IL1RAPL1: variants seen among roughly 807,000 people sequenced by gnomAD.
IL1RAPL1 encodes interleukin-1 receptor accessory protein-like 1.
IL1RAPL1 carries 3 observed loss-of-function variants against 48.4 expected under a neutral mutation model. The ratio of observed to expected loss-of-function variants is 0.06; its 90% CI spans 0.03 to 0.16. IL1RAPL1 has a LOEUF of 0.16. IL1RAPL1 is among the 10% of genes least tolerant of loss of function. IL1RAPL1 has a pLI of 1.00. For synonymous variants in IL1RAPL1, 185 were observed against 187.7 expected (o/e 0.99, Z 0.12); for missense variants, 349 against 530.6 (o/e 0.66, Z 3.36).
rs60180938 is a variant in IL1RAPL1, at chrX:29,081,020, C to CTTTCTTTTCTTTTCTTTTCTTTTCT, written c.83-201900_83-201876dup. Among the ~76,000 whole-genome samples the CTTTCTTTTCTTTTCTTTTCTTTTCT allele has an allele frequency of 3.8e-4, 16 of 41,909 alleles. 1 individual carries two copies. The highest frequency in any genetic ancestry group is 9.8e-4 in the Admixed American group (3 of 3,054). 36.4% of individuals were successfully genotyped at this position (41,909 alleles called of 115,157 possible). ...TCTCTCTCTCTCTCTCTCTCTCTCT[C>CTTTCTTTTCTTTTCTTTTCTTTTCT]TTTCTTTTCTTTTCTTTTCTTTTCT... On this transcript the variant is annotated intron_variant, in intron 2 of 10. Coordinates refer to ENST00000378993, the MANE Select transcript of IL1RAPL1 (RefSeq NM_014271.4).
Position 29,869,955 on chromosome X carries a change from A to T in IL1RAPL1, c.779-47509A>T, listed in dbSNP as rs141805082. On this transcript the variant is annotated intron_variant, in intron 6 of 10. Transcript: ENST00000378993. ...AAATGTGAGAGACAACTATTGTGAG[A>T]TTCAAAGACAGTGGTAACATATATA... 5.1e-3 allele frequency among the ~76,000 whole-genome samples: 559 copies of T among 110,680 alleles called. 2 individuals are homozygous for T. Among genetic ancestry groups the T allele is most frequent in the African/African-American group, 0.018 (549 of 30,401 alleles).
chrX:29,448,794 G>GT (rs1344281825), intron 5 of IL1RAPL1, among the ~76,000 whole-genome samples: 1 of 111,744 alleles, frequency 8.9e-6, no homozygotes, highest in Non-Finnish European at 1.9e-5. Flanking sequence ...ATTTCTCACA[G>GT]TTCTGGAAGC....
intron 6 of IL1RAPL1, among the ~76,000 whole-genome samples, chrX:29,774,893 A>C (rs967969318): frequency 1.8e-5 from 2 of 112,499 alleles, no homozygotes; most frequent in Non-Finnish European, 3.8e-5. Flanking sequence ...ATTGATGGTT[A>C]AATTTCCAGT....
At chrX:28,669,628 TTA>T (rs139322755) in intron 1 of IL1RAPL1, among the ~76,000 whole-genome samples, 7 of 101,555 alleles carry the variant, frequency 6.9e-5, no homozygotes, top group East Asian at 6.0e-4. Flanking sequence ...TCAAAAAATA[TTA>T]TATATATATA....
At chrX:29,302,722 G>A (rs1427846266) in intron 3 of IL1RAPL1, among the ~76,000 whole-genome samples, 3 of 110,992 alleles carry the variant, frequency 2.7e-5, no homozygotes, top group East Asian at 2.9e-4. Flanking sequence ...GTTTTGGGGC[G>A]GTCATTTAGC....
rs2076368 is a variant in IL1RAPL1, at chrX:29,396,045, A to G, written c.363-213A>G. On this transcript the variant is annotated intron_variant, in intron 3 of 10. Coordinates refer to ENST00000378993, the MANE Select transcript of IL1RAPL1 (RefSeq NM_014271.4). ...GTAAAACAAAACTTTTTCTCTGGCA[A>G]ATAAAAACAAATAAATATACATTTA... Among the ~76,000 whole-genome samples, 819 of 112,807 alleles carry G rather than the reference A, an allele frequency of 7.3e-3. 16 individuals are homozygous for G. The East Asian group carries it at 0.094, about 13-fold the overall frequency.
At chrX:28,976,323 A>G (rs1050819936) in intron 2 of IL1RAPL1, among the ~76,000 whole-genome samples, 7 of 111,808 alleles carry the variant, frequency 6.3e-5, no homozygotes, top group African/African-American at 2.3e-4. Flanking sequence ...TTATGATGGT[A>G]GCAGTAGAGA....
At chrX:29,069,669 A>T (rs867509556) in intron 2 of IL1RAPL1, among the ~76,000 whole-genome samples, 2 of 101,483 alleles carry the variant, frequency 2.0e-5, no homozygotes, top group African/African-American at 7.4e-5. Context: ...ACACACACAC[A>T]CCCCTCCCCT....
chrX:29,052,848 T>G (rs901441598), intron 2 of IL1RAPL1, among the ~76,000 whole-genome samples: 1 of 110,885 alleles, frequency 9.0e-6, no homozygotes, highest in Non-Finnish European at 1.9e-5. Flanking sequence ...ATTTTTGTAT[T>G]TTTTAGTAGA....
intron 6 of IL1RAPL1, among the ~76,000 whole-genome samples, chrX:29,843,758 T>C (rs1405127773): frequency 2.8e-5 from 3 of 108,894 alleles, no homozygotes; most frequent in African/African-American, 6.9e-5. Flanking sequence ...CTCACTTCTC[T>C]CTCTCTCTTC....
chrX:28,936,825 A>G (rs1924028306), intron 2 of IL1RAPL1, among the ~76,000 whole-genome samples: 1 of 111,199 alleles, frequency 9.0e-6, no homozygotes, highest in South Asian at 3.7e-4. Context: ...GATATTCTTC[A>G]TATACATCCA....
chrX:28,817,233 T>A (rs1420383584), intron 2 of IL1RAPL1, among the ~76,000 whole-genome samples: 1 of 110,739 alleles, frequency 9.0e-6, no homozygotes, highest in African/African-American at 3.3e-5. Context: ...AACAATTGTA[T>A]AAGGAAGACA....
chrX:29,068,390 C>T, intron 2 of IL1RAPL1, among the ~76,000 whole-genome samples: 1 of 112,042 alleles, frequency 8.9e-6, no homozygotes, highest in Non-Finnish European at 1.9e-5. Context: ...CAGCCAAAAC[C>T]AGATAGCCAT....
intron 3 of IL1RAPL1, among the ~76,000 whole-genome samples, chrX:29,381,827 AAAAAAAAT>A (rs1349369536): frequency 0.01 from 365 of 36,026 alleles, 1 homozygote; most frequent in African/African-American, 0.023. Flanking sequence ...AAAAAAAAAA[AAAAAAAAT>A]ATATATATAT....
chrX:29,832,461 G>T lies in IL1RAPL1; in HGVS notation c.779-85003G>T, dbSNP rs189724712. Among the ~76,000 whole-genome samples the T allele has an allele frequency of 4.1e-3, 456 of 111,288 alleles. 4 individuals carry two copies. The highest frequency in any genetic ancestry group is 0.014 in the African/African-American group (439 of 30,675). ...GGGAATTAGAGGCAGAAAAGGCAAGGGATGTAACAGAAAAGCTTTATGAAT... is the reference window on the plus strand; with the variant it reads ...GGGAATTAGAGGCAGAAAAGGCAAGTGATGTAACAGAAAAGCTTTATGAAT... On this transcript the variant is annotated intron_variant, in intron 6 of 10. Coordinates refer to ENST00000378993, the MANE Select transcript of IL1RAPL1 (RefSeq NM_014271.4).
At chrX:29,074,969 T>G (rs1415333975) in intron 2 of IL1RAPL1, among the ~76,000 whole-genome samples, 5 of 112,428 alleles carry the variant, frequency 4.4e-5, no homozygotes, top group Non-Finnish European at 9.4e-5. Flanking sequence ...ATCAGAGATT[T>G]GAACTGAGGT....
At chrX:28,966,829 A>G (rs939127483) in intron 2 of IL1RAPL1, among the ~76,000 whole-genome samples, 4 of 111,799 alleles carry the variant, frequency 3.6e-5, no homozygotes, top group Non-Finnish European at 7.5e-5. Context: ...TCTATTAAGC[A>G]TGATTTATTT....
At chrX:28,784,774 T>G (rs1408475540) in intron 1 of IL1RAPL1, among the ~76,000 whole-genome samples, 1 of 111,283 alleles carries the variant, frequency 9.0e-6, no homozygotes, top group East Asian at 2.8e-4. Flanking sequence ...CAAATTTACC[T>G]TTATATTCAC....
rs770329693 is a variant in IL1RAPL1 at position 29,954,720 on chromosome X, T to C, written c.1372+28T>C. On this transcript the variant is annotated intron_variant, in intron 10 of 10. Coordinates refer to ENST00000378993, the MANE Select transcript of IL1RAPL1 (RefSeq NM_014271.4). ...AAGTTAATGTTTTCATTTGAGAGTG[T>C]GCATATTCATGTGAGTGTCTGTGTA... 1.1e-5 allele frequency: 12 copies of C among 1,081,262 alleles called. No homozygotes were observed. The East Asian group carries it at 3.6e-4, about 32-fold the overall frequency. 89.1% of individuals were successfully genotyped at this position (1,081,262 alleles called of 1,213,427 possible). A position where few individuals can be genotyped will look rare whatever the true frequency, so the allele number is the denominator to read the frequency against.
Sources: allele counts gnomAD v4.1 joint callset (sites outside exome capture counted in the v4.1 genomes callset), GRCh38; gene constraint gnomAD v4.1.1; transcripts MANE v1.5; gene names NCBI Gene and HGNC (gene_info 2026-07-23, HGNC 2026-07-21).